CHMP4A: variants seen among roughly 807,000 people sequenced by gnomAD.
CHMP4A encodes the protein SNF7 homolog associated with Alix-2.
In CHMP4A, 29 loss-of-function variants were observed where a neutral mutation model predicts 28.2. The ratio of observed to expected loss-of-function variants is 1.03; its 90% confidence interval spans 0.77 to 1.40. The LOEUF (loss-of-function observed/expected upper bound fraction) is 1.40. Among genes scored for constraint, CHMP4A ranks in the 40% most tolerant of loss-of-function variants. The pLI, the probability that CHMP4A is intolerant of heterozygous loss-of-function variation, is 0.00. For missense variants in CHMP4A, 241 were observed against 263.5 expected (o/e 0.91, Z 0.59); for synonymous variants, 88 against 99.3 (o/e 0.89, Z 0.67).
In CHMP4A at chr14:24,210,773, GA is replaced by G; in HGVS notation, c.360-6del. 1 of 1,600,560 alleles carries G rather than the reference GA, an allele frequency of 6.2e-7. No homozygotes were observed. The highest frequency in any genetic ancestry group is 8.6e-7 in the Non-Finnish European group (1 of 1,167,580). ...TCATCTACCTTGTCAATGTCCCTGA[GA>G]ATGAGATAGATAGCTAAGAAATCAC... On this transcript the variant is annotated splice_polypyrimidine_tract_variant and splice_region_variant and intron_variant, in intron 3 of 5. Transcript: ENST00000347519.
At chr14:24,210,827 C>CAAAACTGCTCAATCAAAAGAAAGT in intron 3 of CHMP4A, 59 bp from the exon 4 acceptor site, 1 of 1,281,696 alleles carries the variant, frequency 7.8e-7, no homozygotes, top group Non-Finnish European at 1.1e-6. Context: ...ACTTTCTCAT[C>CAAAACTGCTCAATCAAAAGAAAGT]TCACATGAAT....
At chr14:24,210,082 G>A (rs1566658637) in intron 5 of CHMP4A, 147 bp from the exon 6 acceptor site, 1 of 862,922 alleles carries the variant, frequency 1.2e-6, no homozygotes, top group Non-Finnish European at 1.9e-6. Flanking sequence ...TGCTTGCTAG[G>A]CTGCTGTTCA....
At chr14:24,211,618 C>G in intron 2 of CHMP4A, 26 bp from the exon 3 acceptor site, 1 of 1,610,450 alleles carries the variant, frequency 6.2e-7, no homozygotes, top group Non-Finnish European at 8.5e-7. Context: ...CCCTGAACAT[C>G]AAGAGTCAGA....
chr14:24,212,881 T>C (rs1255578673), intron 1 of CHMP4A: 2 of 157,578 alleles, frequency 1.3e-5, no homozygotes, highest in Non-Finnish European at 2.8e-5. Flanking sequence ...TTTATATTTT[T>C]AGTAGAGACG....
At position 24,211,670 on chromosome 14, in the gene CHMP4A, C is replaced by CCCT. The variant is rs1454909032; in HGVS notation, c.181+7_181+9dup. The CCCT allele has an allele frequency of 5.0e-6, 8 of 1,595,214 alleles. No individual in the cohort carries two copies. The highest frequency in any genetic ancestry group is 3.3e-5 in the Admixed American group (2 of 59,744). ...CTGGGCCCTCCCCATAGGCTTGTTT[C>CCCT]CCTCATTACCTCTCTTATTCTTGGT... On this transcript the variant is annotated intron_variant, in intron 2 of 5. Transcript: ENST00000347519.
rs1346592613 is a variant in CHMP4A, at chr14:24,211,467, G to A, written c.307C>T (p.Leu103Phe). The A allele has an allele frequency of 6.2e-6, 10 of 1,613,790 alleles. No homozygotes were observed. Among genetic ancestry groups the A allele is most frequent in the African/African-American group, 1.3e-5 (1 of 74,910 alleles). ...TGGGCAGCAAGCTCCATGGTACGAA[G>A]GACTTCTGCATTGGTAGTGGCATTC... is the stretch of plus-strand genomic sequence containing the variant. ...IENATTNAEVLRTMELAAQSM... is the reference protein window; with the variant it reads ...IENATTNAEVFRTMELAAQSM... The change falls in exon 3 of 6, where the codon CTT becomes TTT. Residue 103 changes from leucine (L) to phenylalanine (F), a missense_variant. Physicochemically the swap from Leu to Phe is conservative, Grantham distance 22. Coordinates refer to ENST00000347519, the MANE Select transcript of CHMP4A (RefSeq NM_014169.5).
intron 4 of CHMP4A, 58 bp from the exon 5 acceptor site, chr14:24,210,541 C>T (rs1242585204): frequency 1.0e-5 from 16 of 1,602,802 alleles, no homozygotes; most frequent in Non-Finnish European, 1.4e-5. Flanking sequence ...CCTCCAAAAA[C>T]ATACCACTTT....
Position 24,210,376 on chromosome 14 carries a change from TACAC to T in CHMP4A, c.578_581del (p.Ser193AsnfsTer21). ...GCCCTGCCGGCAGATGAGTAGAAGG[TACAC>T]TAGGCAATTTGACTGAGGGTTCTTC... On this transcript the variant is annotated frameshift_variant, in exon 5 of 6. Coordinates refer to ENST00000347519, the MANE Select transcript of CHMP4A (RefSeq NM_014169.5). LOFTEE classifies it high-confidence loss of function. The T allele has an allele frequency of 5.6e-6, 9 of 1,613,944 alleles. No homozygotes were observed. Among genetic ancestry groups the T allele is most frequent in the Non-Finnish European group, 7.6e-6 (9 of 1,179,998 alleles).
At position 24,211,744 on chromosome 14, in the gene CHMP4A, A is replaced by C; in HGVS notation, c.117T>G (p.Phe39Leu). 1 of 1,614,122 alleles carries C rather than the reference A, an allele frequency of 6.2e-7. No individual in the cohort carries two copies. Among genetic ancestry groups the C allele is most frequent in the South Asian group, 1.1e-5 (1 of 91,082 alleles). ...TEKILIKKQE[F>L]LEQKIQQELQ... ...GCTCCTGTTGAATCTTCTGCTCCAAAAATTCCTGTTTCTTGATCAGTATCT... is the reference window on the plus strand; with the variant it reads ...GCTCCTGTTGAATCTTCTGCTCCAACAATTCCTGTTTCTTGATCAGTATCT... Residue 39 changes from phenylalanine (F) to leucine (L), a missense_variant, in exon 2 of 6, where the codon TTT becomes TTG. Physicochemically the swap from Phe to Leu is conservative, Grantham distance 22. Transcript: ENST00000347519.
intron 5 of CHMP4A, 125 bp downstream of exon 5, chr14:24,210,223 C>T: frequency 7.5e-7 from 1 of 1,332,004 alleles, no homozygotes; most frequent in Non-Finnish European, 1.0e-6. Flanking sequence ...AGTCAACAAC[C>T]TGCACAACTG....
rs775152959 is a variant in CHMP4A at position 24,211,804 on chromosome 14, A to G, written c.57T>C (p.Pro19=). The change falls in exon 2 of 6, where the codon CCT becomes CCC. Residue 19 remains proline, a synonymous_variant. Coordinates refer to ENST00000347519, the MANE Select transcript of CHMP4A (RefSeq NM_014169.5). ...GKGKKEKGPT[P]EEAIQKLKET... ...CCTTCAGTTTCTGTATTGCTTCTTC[A>G]GGGGTTGGCCCTTTCTCCTTCTTCC... 6.2e-7 allele frequency: 1 copy of G among 1,613,978 alleles called. No individual in the cohort carries two copies. Among genetic ancestry groups the G allele is most frequent in the South Asian group, 1.1e-5 (1 of 91,076 alleles).
At chr14:24,210,026 G>T in intron 5 of CHMP4A, 91 bp from the exon 6 acceptor site, 1 of 1,209,868 alleles carries the variant, frequency 8.3e-7, no homozygotes, top group Non-Finnish European at 1.2e-6. Flanking sequence ...TTCAGAGCCT[G>T]CTGAATTCTG....
chr14:24,210,209 A>G (rs1594469108), intron 5 of CHMP4A, 139 bp downstream of exon 5: 2 of 1,166,186 alleles, frequency 1.7e-6, no homozygotes, highest in East Asian at 2.4e-5. Flanking sequence ...GGGTGCCTAT[A>G]TGCAGTCAAC....
chr14:24,213,145 ACT>A, intron 1 of CHMP4A: 1 of 489,038 alleles, frequency 2.0e-6, no homozygotes, highest in East Asian at 3.8e-5. Context: ...CACGCCCTCA[ACT>A]CAAGTCCCCT....
intron 1 of CHMP4A, chr14:24,213,063 A>C (rs1199920457): frequency 3.6e-6 from 1 of 280,618 alleles, no homozygotes; most frequent in Non-Finnish European, 6.7e-6. Context: ...TTATAGAACA[A>C]GGTTTTGAAA....
In CHMP4A at chr14:24,213,421, G is replaced by C; in HGVS notation, c.19C>G (p.Leu7Val). 1 of 1,607,502 alleles carries C rather than the reference G, an allele frequency of 6.2e-7. No individual in the cohort carries two copies. The highest frequency in any genetic ancestry group is 8.5e-7 in the Non-Finnish European group (1 of 1,178,226). The stretch of plus-strand genomic sequence containing the variant: ...CACCCTGGCTCACCCTTCCCGAAGA[G>C]CCTGCCGAGACCACTCATCGCGAGC... MSGLGR[L>V]FGKGKKEKGP... The change falls in exon 1 of 6, where the codon CTC (leucine) becomes GTC (valine). Residue 7 changes from leucine (L) to valine (V), a missense_variant. Leu to Val is a conservative substitution (Grantham distance 32, BLOSUM62 1). Transcript: ENST00000347519.
chr14:24,210,818 C>G (rs1180500493), intron 3 of CHMP4A, 50 bp from the exon 4 acceptor site: 2 of 1,351,380 alleles, frequency 1.5e-6, no homozygotes, highest in Admixed American at 3.4e-5. Context: ...GCCCCCTTGA[C>G]TTTCTCATCT....
Position 24,213,125 on chromosome 14 carries a change from G to A in CHMP4A, c.31+284C>T, listed in dbSNP as rs1439675695. The stretch of plus-strand genomic sequence containing the variant: ...CTTCAAGCCTGAACAGTGGGAGTCA[G>A]CACGATCGCCACGCCCTCAACTCAA... On this transcript the variant is annotated intron_variant, in intron 1 of 5. Coordinates refer to ENST00000347519, the MANE Select transcript of CHMP4A (RefSeq NM_014169.5). The A allele has an allele frequency of 1.3e-5, 6 of 459,718 alleles. No homozygotes were observed. The Admixed American group carries it at 1.8e-4, about 13-fold the overall frequency. 28.5% of individuals were successfully genotyped at this position (459,718 alleles called of 1,614,324 possible). A position where few individuals can be genotyped will look rare whatever the true frequency, so the allele number is the denominator to read the frequency against.
At position 24,209,814 on chromosome 14, in the gene CHMP4A, C is replaced by T. The variant is rs933197793; in HGVS notation, c.*63G>A. 6.8e-7 allele frequency: 1 copy of T among 1,478,782 alleles called. No homozygotes were observed. The highest frequency in any genetic ancestry group is 1.4e-5 in the African/African-American group (1 of 72,180). The allele number at this position is 1,478,782 out of a possible 1,614,324, so 91.6% of individuals were successfully genotyped here. ...AAAAAGTTATCCTCCTTTAGCTCAG[C>T]ACTTGGCACTTAAGGAAGAAAGGAC... is the stretch of plus-strand genomic sequence containing the variant. On this transcript the variant is annotated 3_prime_UTR_variant, in exon 6 of 6. Transcript: ENST00000347519.
Sources: allele counts gnomAD v4.1 joint callset, GRCh38; gene constraint gnomAD v4.1.1; transcripts MANE v1.5; gene names NCBI Gene and HGNC (gene_info 2026-07-23, HGNC 2026-07-21).